Variants in KCNJ6 observed in about 807,000 individuals in gnomAD.
KCNJ6 encodes potassium inwardly rectifying channel subfamily J member 6.
In KCNJ6, 9 loss-of-function variants were observed where a neutral mutation model predicts 34.2. The ratio of observed to expected loss-of-function variants is 0.26; its 90% CI spans 0.16 to 0.46. The LOEUF (loss-of-function observed/expected upper bound fraction) is 0.46, where lower values mean the gene tolerates loss of function less well. Ranked by LOEUF, KCNJ6 falls within the 20% of genes least tolerant of loss-of-function variation. The pLI, the probability that KCNJ6 is intolerant of heterozygous loss-of-function variation, is 1.00. For synonymous variants in KCNJ6, 196 were observed against 207.1 expected, an observed-to-expected ratio of 0.95 and a Z score of 0.46; for missense variants, 236 against 531.3, an observed-to-expected ratio of 0.44 and a Z score of 5.46.
chr21:37,716,342 A>G (rs1054872223), intron 2 of KCNJ6, among the ~76,000 whole-genome samples: 1 of 150,018 alleles, frequency 6.7e-6, no homozygotes, highest in African/African-American at 2.5e-5. Flanking sequence ...CTGTAATTTT[A>G]GCTTGTGGTT....
intron 1 of KCNJ6, among the ~76,000 whole-genome samples, chr21:37,886,998 T>A (rs1012322292): frequency 2.0e-5 from 3 of 151,160 alleles, no homozygotes; most frequent in African/African-American, 7.3e-5. Flanking sequence ...GACAGTAGTG[T>A]GGGCCATCCA....
At chr21:37,816,417 G>T (rs1388147936) in intron 2 of KCNJ6, among the ~76,000 whole-genome samples, 1 of 152,176 alleles carries the variant, frequency 6.6e-6, no homozygotes, top group Non-Finnish European at 1.5e-5. Context: ...TGTCTGTGTT[G>T]CAGTTATTAC....
In KCNJ6 at chr21:37,667,154, T is replaced by TAAAAAAAAAAAAAAAAA. The variant is rs55953891; in HGVS notation, c.947-41687_947-41671dup. Among the ~76,000 whole-genome samples, 26 of 39,094 alleles carry TAAAAAAAAAAAAAAAAA rather than the reference T, an allele frequency of 6.7e-4. 2 individuals are homozygous for TAAAAAAAAAAAAAAAAA. Among genetic ancestry groups the TAAAAAAAAAAAAAAAAA allele is most frequent in the East Asian group, 8.3e-4 (1 of 1,210 alleles). 25.6% of individuals were successfully genotyped at this position (39,094 alleles called of 152,430 possible). ...ACACCCAAGAATGAGCAATAAATAC[T>TAAAAAAAAAAAAAAAAA]AAAAAAAAAAAAAAAAAAAAAAAAA... On this transcript the variant is annotated intron_variant, in intron 3 of 3. Transcript: ENST00000609713.
intron 2 of KCNJ6, among the ~76,000 whole-genome samples, chr21:37,832,838 C>T (rs1390944394): frequency 6.6e-6 from 1 of 152,166 alleles, no homozygotes; most frequent in African/African-American, 2.4e-5. Flanking sequence ...CCTATAGAGG[C>T]GTCTCTGGCA....
At chr21:37,643,595 G>A (rs17814920) in intron 3 of KCNJ6, among the ~76,000 whole-genome samples, 40,316 of 152,112 alleles carry the variant, frequency 0.27, 5,751 homozygotes, top group South Asian at 0.31. Flanking sequence ...GTCTCTATCT[G>A]TTGTTTGCAA....
At chr21:37,855,421 G>A (rs891586660) in intron 1 of KCNJ6, among the ~76,000 whole-genome samples, 4 of 152,076 alleles carry the variant, frequency 2.6e-5, no homozygotes, top group African/African-American at 7.2e-5. Flanking sequence ...CCCTCACATC[G>A]CTCTATTGTG....
At chr21:37,682,858 C>A (rs1377707736) in intron 3 of KCNJ6, among the ~76,000 whole-genome samples, 1 of 152,122 alleles carries the variant, frequency 6.6e-6, no homozygotes, top group East Asian at 1.9e-4. Flanking sequence ...GCCATCTGTC[C>A]CTGCAGCCTA....
At chr21:37,794,064 C>T (rs1253850962) in intron 2 of KCNJ6, among the ~76,000 whole-genome samples, 2 of 152,164 alleles carry the variant, frequency 1.3e-5, no homozygotes, top group Non-Finnish European at 2.9e-5. Context: ...TGTGTGTGCA[C>T]GCATGTGTGT....
intron 1 of KCNJ6, among the ~76,000 whole-genome samples, chr21:37,868,406 T>C (rs1462078136): frequency 6.6e-6 from 1 of 152,214 alleles, no homozygotes; most frequent in Non-Finnish European, 1.5e-5. Context: ...CTATAAAACA[T>C]GGTGTGCCTT....
intron 2 of KCNJ6, among the ~76,000 whole-genome samples, chr21:37,825,137 A>G (rs1165359035): frequency 6.6e-6 from 1 of 152,172 alleles, no homozygotes; most frequent in Non-Finnish European, 1.5e-5. Context: ...CAAGATCCTT[A>G]CTTCCATTTG....
intron 2 of KCNJ6, among the ~76,000 whole-genome samples, chr21:37,793,815 G>A (rs572768139): frequency 4.2e-4 from 64 of 152,336 alleles, no homozygotes; most frequent in African/African-American, 1.5e-3. Flanking sequence ...CACAGCTTCT[G>A]CAAGGGCCGG....
chr21:37,780,839 T>A (rs2055165845), intron 2 of KCNJ6, among the ~76,000 whole-genome samples: 1 of 152,192 alleles, frequency 6.6e-6, no homozygotes, highest in South Asian at 2.1e-4. Flanking sequence ...TCATGTACCC[T>A]ATACATATAT....
rs2054293112 is a variant in KCNJ6 at position 37,622,528 on chromosome 21, G to C, written c.*2631C>G. On this transcript the variant is annotated 3_prime_UTR_variant, in exon 4 of 4. Transcript: ENST00000609713. ...GTTTGATAGGGACATTCTAGTAAAA[G>C]GTTCTTCAGGAGCATCCCCATGTAA... 5 of 152,170 alleles carry C rather than the reference G, an allele frequency of 3.3e-5. No homozygotes were observed. The South Asian group carries it at 1.0e-3, about 31-fold the overall frequency. 9.4% of individuals were successfully genotyped at this position (152,170 alleles called of 1,614,324 possible). A position where few individuals can be genotyped will look rare whatever the true frequency, so the allele number is the denominator to read the frequency against.
At chr21:37,730,549 C>G (rs531351892) in intron 2 of KCNJ6, among the ~76,000 whole-genome samples, 1 of 152,292 alleles carries the variant, frequency 6.6e-6, no homozygotes, top group African/African-American at 2.4e-5. Context: ...GTGTCTGGGT[C>G]GAAGAAGGTA....
chr21:37,720,385 T>C (rs1236824991), intron 2 of KCNJ6, among the ~76,000 whole-genome samples: 1 of 152,130 alleles, frequency 6.6e-6, no homozygotes, highest in Admixed American at 6.5e-5. Context: ...AGGGTCCTTA[T>C]TGGGGGTATG....
chr21:37,773,363 G>A (rs1488672990), intron 2 of KCNJ6, among the ~76,000 whole-genome samples: 3 of 152,158 alleles, frequency 2.0e-5, no homozygotes, highest in East Asian at 3.9e-4. Flanking sequence ...TTCAAGGGCA[G>A]GAACCATGTC....
At chr21:37,733,066 T>C (rs758985340) in intron 2 of KCNJ6, among the ~76,000 whole-genome samples, 1 of 152,216 alleles carries the variant, frequency 6.6e-6, no homozygotes, top group African/African-American at 2.4e-5. Flanking sequence ...TAATGCACAC[T>C]CTATAGACGT....
chr21:37,892,910 T>A (rs534145121), intron 1 of KCNJ6, among the ~76,000 whole-genome samples: 2 of 150,676 alleles, frequency 1.3e-5, no homozygotes, highest in African/African-American at 4.9e-5. Context: ...TGGAATGCAG[T>A]GGTGTGATCT....
chr21:37,609,135 T>C lies in KCNJ6; in HGVS notation c.*16024A>G, dbSNP rs947708445. 2.6e-5 allele frequency: 4 copies of C among 152,242 alleles called. No homozygotes were observed. Among genetic ancestry groups the C allele is most frequent in the African/African-American group, 9.6e-5 (4 of 41,462 alleles). The allele number at this position is 152,242 out of a possible 1,614,324, so 9.4% of individuals were successfully genotyped here. ...ACAAAGTTGAGGATCAAGTATCATC[T>C]GTGCTTCATTTCTTTTGGGAAGATG... On this transcript the variant is annotated 3_prime_UTR_variant, in exon 4 of 4. Coordinates refer to ENST00000609713, the MANE Select transcript of KCNJ6 (RefSeq NM_002240.5).
Sources: gnomAD v4.1 joint callset for allele counts (sites outside exome capture counted in the v4.1 genomes callset) on GRCh38, gnomAD v4.1.1 for gene constraint, MANE v1.5 for transcripts, NCBI Gene and HGNC (gene_info 2026-07-23, HGNC 2026-07-21) for gene names.